The following GALC variants were observed in gnomAD, a reference collection of about 807,000 sequenced individuals.
GALC encodes galactocerebrosidase.
Under a neutral mutation model 91.8 loss-of-function variants are expected in GALC, and 77 were observed. That is an observed-to-expected ratio of 0.84 (90% CI 0.70 to 1.01). The LOEUF is 1.01. Among genes scored for constraint, GALC ranks in the 50% least tolerant of loss-of-function variants. GALC has a pLI of 0.00. For synonymous variants in GALC, 357 were observed against 306.7 expected (o/e 1.16, Z -1.71); for missense variants, 882 against 855.9 (o/e 1.03, Z -0.38).
chr14:87,941,694 G>T, intron 14 of GALC, 136 bp from the exon 15 acceptor site: 1 of 691,484 alleles, frequency 1.4e-6, no homozygotes, highest in Non-Finnish European at 2.6e-6. Flanking sequence ...TAAGCCTGTA[G>T]CAGAGATGGG....
rs1240804409 is a variant in GALC, at chr14:87,982,250, A to C, written c.583-7T>G. On this transcript the variant is annotated splice_polypyrimidine_tract_variant and splice_region_variant and intron_variant, in intron 5 of 16. Transcript: ENST00000261304. ...ATGACCTCTCATTCCAAATCTGCAA[A>C]ACAAAAAGTCAAAAAAGTCTGAATT... is the stretch of plus-strand genomic sequence containing the variant. 1 of 1,573,852 alleles carries C rather than the reference A, an allele frequency of 6.4e-7. No individual in the cohort carries two copies. The highest frequency in any genetic ancestry group is 1.3e-5 in the African/African-American group (1 of 74,134).
Position 87,988,488 on chromosome 14 carries a change from G to A in GALC, c.231C>T (p.Pro77=). ...GATAATCCAATATCTGAGAACGATA[G>A]GGCTCTGGGTAATTTACTAGAAGTC... ...TSRLLVNYPE[P]YRSQILDYLF... is the part of the protein sequence containing the mutation. Residue 77 remains proline (P), a synonymous_variant, in exon 2 of 17, where the codon CCC becomes CCT. Transcript: ENST00000261304. The A allele has an allele frequency of 2.5e-6, 4 of 1,611,836 alleles. No individual in the cohort carries two copies. Among genetic ancestry groups the A allele is most frequent in the Non-Finnish European group, 3.4e-6 (4 of 1,178,056 alleles).
intron 13 of GALC, 104 bp downstream of exon 13, chr14:87,947,624 T>C (rs1159909282): frequency 9.2e-7 from 1 of 1,083,320 alleles, no homozygotes; most frequent in African/African-American, 1.6e-5. Context: ...TAAATGAATG[T>C]GCTTTTGACA....
At chr14:87,963,599 G>A in intron 9 of GALC, 88 bp from the exon 10 acceptor site, 2 of 1,127,074 alleles carry the variant, frequency 1.8e-6, no homozygotes, top group East Asian at 2.5e-5. Flanking sequence ...ATATCAATTT[G>A]AGTCTGATTC....
rs750823861 is a variant in GALC, at chr14:87,993,141, A to G, written c.24T>C (p.Ala8=). 1.3e-6 allele frequency: 2 copies of G among 1,582,936 alleles called. No homozygotes were observed. The highest frequency in any genetic ancestry group is 1.8e-5 in the Admixed American group (1 of 55,176). ...TAGCTTTCGCTCGGCGTTGCCAGGA[A>G]GCCGAGAGTAGCCACTCAGCCATTG... MAEWLLS[A]SWQRRAKAMT... Residue 8 remains alanine, a synonymous_variant, in exon 1 of 17, where the codon GCT becomes GCC. Transcript: ENST00000261304.
At position 87,945,899 on chromosome 14, in the gene GALC, G is replaced by C. The variant is rs76158048; in HGVS notation, c.1490-166C>G. The stretch of plus-strand genomic sequence containing the variant: ...GTCTAATAAAGATACATTAATTTTT[G>C]TATCATCATTACTAAATATCAAGAT... On this transcript the variant is annotated intron_variant, in intron 13 of 16. Coordinates refer to ENST00000261304, the MANE Select transcript of GALC (RefSeq NM_000153.4). 3.0e-4 allele frequency among the ~76,000 whole-genome samples: 46 copies of C among 152,100 alleles called. No individual in the cohort carries two copies. In the East Asian group the frequency reaches 8.9e-3, roughly 30 times the overall value.
At chr14:87,980,310 A>T (rs1424167031) in intron 6 of GALC, among the ~76,000 whole-genome samples, 1 of 150,920 alleles carries the variant, frequency 6.6e-6, no homozygotes, top group African/African-American at 2.4e-5. Flanking sequence ...TAAATCCGGG[A>T]GGCAGAGGTT....
chr14:87,973,512 C>G (rs927095456), intron 7 of GALC, among the ~76,000 whole-genome samples: 4 of 152,044 alleles, frequency 2.6e-5, no homozygotes, highest in African/African-American at 9.7e-5. Flanking sequence ...AAACTTGTAG[C>G]TGTCAAATCA....
intron 14 of GALC, among the ~76,000 whole-genome samples, chr14:87,941,875 G>A (rs1018196706): frequency 7.2e-5 from 11 of 151,942 alleles, no homozygotes; most frequent in African/African-American, 2.4e-4. Context: ...ATTTTAAAAT[G>A]CTACTATTGT....
intron 10 of GALC, chr14:87,953,970 T>G: frequency 6.2e-7 from 1 of 1,609,406 alleles, no homozygotes. Context: ...TGCAGCATTT[T>G]GGGCATATAC....
intron 4 of GALC, among the ~76,000 whole-genome samples, chr14:87,985,171 GAA>G (rs1325458504): frequency 6.7e-6 from 1 of 149,172 alleles, no homozygotes; most frequent in African/African-American, 2.4e-5. Context: ...AAAAAAATAA[GAA>G]GAGTAGAAAA....
At chr14:87,936,896 C>CCATATATATATATATA (rs1555378200) in intron 16 of GALC, among the ~76,000 whole-genome samples, 142 of 3,544 alleles carry the variant, frequency 0.04, 1 homozygote, top group Admixed American at 0.049. Context: ...ATATCAGGTA[C>CCATATATATATATATA]TATATATATA....
chr14:87,962,696 CCTT>C (rs1885860182), intron 10 of GALC, among the ~76,000 whole-genome samples: 1 of 151,684 alleles, frequency 6.6e-6, no homozygotes, highest in Non-Finnish European at 1.5e-5. Context: ...TGCTAGAAAT[CCTT>C]CTTCACAAAG....
At chr14:87,992,067 G>A (rs1453977118) in intron 1 of GALC, among the ~76,000 whole-genome samples, 1 of 151,758 alleles carries the variant, frequency 6.6e-6, no homozygotes, top group Non-Finnish European at 1.5e-5. Context: ...AATCAAAAAG[G>A]ATCAGCTAAC....
intron 9 of GALC, 122 bp downstream of exon 9, chr14:87,965,383 A>G: frequency 4.5e-6 from 5 of 1,111,558 alleles, no homozygotes; most frequent in Non-Finnish European, 6.7e-6. Context: ...AATCTTGCTT[A>G]AAACTTAAAT....
intron 6 of GALC, among the ~76,000 whole-genome samples, chr14:87,980,986 G>A (rs531694412): frequency 6.6e-6 from 1 of 152,208 alleles, no homozygotes; most frequent in East Asian, 1.9e-4. Flanking sequence ...TTTGTATAAT[G>A]ACTTCTTTTC....
chr14:87,957,131 T>C (rs1278360298), intron 10 of GALC, among the ~76,000 whole-genome samples: 1 of 152,152 alleles, frequency 6.6e-6, no homozygotes, highest in African/African-American at 2.4e-5. Context: ...TCTTGCTGGT[T>C]TGAGTTCCTT....
In GALC at chr14:87,984,135, C is replaced by CA. The variant is rs36113094; in HGVS notation, c.582+258dup. Among the ~76,000 whole-genome samples the CA allele has an allele frequency of 0.38, 44,550 of 116,172 alleles. 8,431 individuals carry two copies. The highest frequency in any genetic ancestry group is 0.74 in the East Asian group (3,104 of 4,186). 76.2% of individuals were successfully genotyped at this position (116,172 alleles called of 152,430 possible). A position where few individuals can be genotyped will look rare whatever the true frequency, so the allele number is the denominator to read the frequency against. ...AAGGAGAATTTGAGTTGGGTTGATACAAAAAAAAAAAAAAAAAACCCAGCT... is the reference window on the plus strand; with the variant it reads ...AAGGAGAATTTGAGTTGGGTTGATACAAAAAAAAAAAAAAAAAAACCCAGCT... On this transcript the variant is annotated intron_variant, in intron 5 of 16. Coordinates refer to ENST00000261304, the MANE Select transcript of GALC (RefSeq NM_000153.4).
At chr14:87,955,431 CA>C (rs1001870743) in intron 10 of GALC, among the ~76,000 whole-genome samples, 3 of 151,998 alleles carry the variant, frequency 2.0e-5, no homozygotes, top group Non-Finnish European at 2.9e-5. Flanking sequence ...CCAGTCAAGG[CA>C]ATATGTAGCA....
Sources: allele counts gnomAD v4.1 joint callset (sites outside exome capture counted in the v4.1 genomes callset), GRCh38; gene constraint gnomAD v4.1.1; transcripts MANE v1.5; gene names NCBI Gene and HGNC (gene_info 2026-07-23, HGNC 2026-07-21).